PATJ: variants seen among roughly 807,000 people sequenced by gnomAD.
The protein encoded by PATJ is inaD-like protein.
PATJ carries 190 observed loss-of-function variants against 224.9 expected under a neutral mutation model. That is an observed-to-expected ratio of 0.84 (90% CI 0.75 to 0.95). The LOEUF (loss-of-function observed/expected upper bound fraction) is 0.95. Ranked by LOEUF, PATJ falls within the 40% of genes least tolerant of loss-of-function variation. PATJ has a pLI of 0.00. For missense variants in PATJ, 2,121 were observed against 2,270.3 expected (o/e 0.93, Z 1.34); for synonymous variants, 769 against 820.3 (o/e 0.94, Z 1.07).
rs1447927757 is a variant in PATJ at position 61,827,460 on chromosome 1, A to G, written c.1857A>G (p.Glu619=). 4 of 1,613,918 alleles carry G rather than the reference A, an allele frequency of 2.5e-6. No individual in the cohort carries two copies. Residue 619 remains glutamate, a synonymous_variant, in exon 16 of 44, where the codon GAA becomes GAG. Transcript: ENST00000642238. ...GMQLYGKSRR[E]AVSFLKEVPP... Reference sequence around the variant, plus strand: ...AGCTTTATGGAAAATCTCGCCGAGAAGCAGTCTCCTTTCTTAAAGAAGTGC... The same window carrying G: ...AGCTTTATGGAAAATCTCGCCGAGAGGCAGTCTCCTTTCTTAAAGAAGTGC...
intron 31 of PATJ, among the ~76,000 whole-genome samples, chr1:62,063,874 G>A (rs182015402): frequency 5.9e-5 from 9 of 152,258 alleles, no homozygotes; most frequent in African/African-American, 1.4e-4. Context: ...CTTCACTGAC[G>A]TCATTTATCA....
At chr1:62,061,857 C>T (rs1558112936) in intron 31 of PATJ, among the ~76,000 whole-genome samples, 1 of 151,996 alleles carries the variant, frequency 6.6e-6, no homozygotes, top group Non-Finnish European at 1.5e-5. Flanking sequence ...GATGGGGTTT[C>T]ACCGTGTTAG....
intron 41 of PATJ, among the ~76,000 whole-genome samples, chr1:62,145,364 T>C (rs1255559081): frequency 6.6e-6 from 1 of 152,170 alleles, no homozygotes; most frequent in Non-Finnish European, 1.5e-5. Context: ...ATAGTGATGG[T>C]GGTAAGAAGG....
chr1:62,045,336 C>T (rs770748896), intron 30 of PATJ, among the ~76,000 whole-genome samples: 7 of 151,740 alleles, frequency 4.6e-5, no homozygotes, highest in South Asian at 2.1e-4. Context: ...TATCAAGATT[C>T]GCTGTTCAGT....
At chr1:62,051,107 C>T in intron 31 of PATJ, 49 bp downstream of exon 31, 2 of 1,356,664 alleles carry the variant, frequency 1.5e-6, no homozygotes, top group East Asian at 4.7e-5. Flanking sequence ...AGGGATGTAT[C>T]ACTTATATTT....
chr1:61,922,059 T>C (rs1266219828), intron 26 of PATJ, among the ~76,000 whole-genome samples: 1 of 152,106 alleles, frequency 6.6e-6, no homozygotes, highest in East Asian at 1.9e-4. Flanking sequence ...TTATTTTTTT[T>C]CAAAATGGAG....
At chr1:61,816,309 A>G (rs1241041047) in intron 14 of PATJ, 1 of 152,082 alleles carries the variant, frequency 6.6e-6, no homozygotes, top group African/African-American at 2.4e-5. Context: ...GTCAGCAAGC[A>G]TTTTCCCCTT....
chr1:62,095,175 A>G (rs143837346), intron 33 of PATJ, among the ~76,000 whole-genome samples: 7 of 152,332 alleles, frequency 4.6e-5, no homozygotes, highest in African/African-American at 1.7e-4. Context: ...AGTAGATTGA[A>G]TGTACACTTG....
intron 43 of PATJ, among the ~76,000 whole-genome samples, chr1:62,155,007 C>G (rs1484261262): frequency 6.6e-6 from 1 of 152,126 alleles, no homozygotes; most frequent in Non-Finnish European, 1.5e-5. Flanking sequence ...GAATGCTTAT[C>G]CCCAAGGTAG....
intron 29 of PATJ, among the ~76,000 whole-genome samples, chr1:62,036,870 T>G (rs574551695): frequency 1.3e-3 from 2 of 1,588 alleles, no homozygotes; most frequent in Admixed American, 0.011. Flanking sequence ...AGACTCCATC[T>G]CAAAAAAAAA....
At chr1:62,120,485 AG>A (rs2148912606) in intron 37 of PATJ, among the ~76,000 whole-genome samples, 1 of 152,322 alleles carries the variant, frequency 6.6e-6, no homozygotes, top group South Asian at 2.1e-4. Context: ...TACATAAGAA[AG>A]GCCCTTCACT....
chr1:61,996,700 A>G (rs189596077), intron 28 of PATJ, among the ~76,000 whole-genome samples: 453 of 151,278 alleles, frequency 3.0e-3, no homozygotes, highest in African/African-American at 0.011. Flanking sequence ...CTTTTCCTGT[A>G]GCTTTATTAA....
At chr1:61,807,016 A>T (rs1357408044) in intron 13 of PATJ, among the ~76,000 whole-genome samples, 1 of 151,662 alleles carries the variant, frequency 6.6e-6, no homozygotes, top group Non-Finnish European at 1.5e-5. Context: ...GCTGGGTGTG[A>T]TAGTGGGCAC....
At chr1:62,135,656 AG>A (rs1666782791) in intron 41 of PATJ, among the ~76,000 whole-genome samples, 1 of 152,192 alleles carries the variant, frequency 6.6e-6, no homozygotes, top group Non-Finnish European at 1.5e-5. Context: ...CTGTAGTGTC[AG>A]AAAGTCGTGA....
chr1:62,060,089 C>T (rs148252803), intron 31 of PATJ, among the ~76,000 whole-genome samples: 1 of 152,304 alleles, frequency 6.6e-6, no homozygotes, highest in Non-Finnish European at 1.5e-5. Context: ...AATATGATCT[C>T]ATTTATCCTG....
chr1:61,757,907 C>T (rs1026872891), intron 1 of PATJ, among the ~76,000 whole-genome samples: 7 of 152,182 alleles, frequency 4.6e-5, no homozygotes, highest in Non-Finnish European at 7.3e-5. Flanking sequence ...CCACCTCAGC[C>T]TCCTGAGTAG....
intron 8 of PATJ, among the ~76,000 whole-genome samples, chr1:61,788,823 C>T (rs1649149647): frequency 6.6e-6 from 1 of 152,062 alleles, no homozygotes; most frequent in Admixed American, 6.5e-5. Flanking sequence ...TACAGACATG[C>T]ACCACCACGC....
At chr1:61,885,220 C>G (rs113826814) in intron 22 of PATJ, among the ~76,000 whole-genome samples, 2 of 151,986 alleles carry the variant, frequency 1.3e-5, no homozygotes, top group South Asian at 4.2e-4. Context: ...GCAAAAGAAA[C>G]TACCATCAGA....
Position 62,153,342 on chromosome 1 carries a change from T to C in PATJ, c.5379-16T>C. The C allele has an allele frequency of 1.6e-6, 2 of 1,229,748 alleles. No individual in the cohort carries two copies. The highest frequency in any genetic ancestry group is 2.0e-6 in the Non-Finnish European group (2 of 985,794). 76.2% of individuals were successfully genotyped at this position (1,229,748 alleles called of 1,614,324 possible). A position where few individuals can be genotyped will look rare whatever the true frequency, so the allele number is the denominator to read the frequency against. ...ATATCTATTCTCGAATTAAACAGCA[T>C]GCATTGTGTTTTCAGAACACCTCCA... On this transcript the variant is annotated splice_polypyrimidine_tract_variant and intron_variant, in intron 42 of 43. Coordinates refer to ENST00000642238, the MANE Select transcript of PATJ (RefSeq NM_001350145.3).
Sources: gnomAD v4.1 joint callset for allele counts (sites outside exome capture counted in the v4.1 genomes callset) on GRCh38, gnomAD v4.1.1 for gene constraint, MANE v1.5 for transcripts, NCBI Gene and HGNC (gene_info 2026-07-23, HGNC 2026-07-21) for gene names.